PCSK5: variants seen among roughly 807,000 people sequenced by gnomAD.
PCSK5 encodes proprotein convertase subtilisin/kexin type 5, also known as prohormone convertase 5.
In PCSK5, 129 loss-of-function variants were observed where a neutral mutation model predicts 233.2. That is an observed-to-expected ratio of 0.55 (90% CI 0.48 to 0.64). The LOEUF is 0.64. Among genes scored for constraint, PCSK5 ranks in the 30% least tolerant of loss-of-function variants. PCSK5 has a pLI of 0.00. For synonymous variants in PCSK5, 825 were observed against 879.2 expected (o/e 0.94, Z 1.09); for missense variants, 2,076 against 2,430.1 (o/e 0.85, Z 3.06).
chr9:76,185,925 A>C lies in PCSK5; in HGVS notation c.2282+1168A>C, dbSNP rs146537778. ...CTACCATCTGGCACATACTTGGTTC[A>C]TGAGAAATAAAAGATGATTTAAATT... is the stretch of plus-strand genomic sequence containing the variant. On this transcript the variant is annotated intron_variant, in intron 17 of 37. Transcript: ENST00000674117. 9.5e-3 allele frequency among the ~76,000 whole-genome samples: 1,452 copies of C among 152,340 alleles called. 11 individuals carry two copies. The highest frequency in any genetic ancestry group is 0.029 in the South Asian group (142 of 4,832).
At chr9:76,138,626 A>C (rs937225816) in intron 10 of PCSK5, among the ~76,000 whole-genome samples, 5 of 151,996 alleles carry the variant, frequency 3.3e-5, no homozygotes, top group African/African-American at 1.2e-4. Flanking sequence ...TTTGGGTGTG[A>C]AGTTATAATT....
chr9:76,248,894 G>A (rs2131341734), intron 24 of PCSK5, among the ~76,000 whole-genome samples: 1 of 152,266 alleles, frequency 6.6e-6, no homozygotes, highest in Non-Finnish European at 1.5e-5. Context: ...AGACTCCCAA[G>A]TTCCTGGGAC....
intron 1 of PCSK5, among the ~76,000 whole-genome samples, chr9:75,922,013 G>A (rs1823279664): frequency 6.6e-6 from 1 of 152,166 alleles, no homozygotes; most frequent in South Asian, 2.1e-4. Flanking sequence ...GGGGTTGGCA[G>A]AATCAAGTCA....
chr9:76,255,874 G>GA (rs1005923174), intron 24 of PCSK5, among the ~76,000 whole-genome samples: 7 of 152,092 alleles, frequency 4.6e-5, no homozygotes, highest in Non-Finnish European at 1.0e-4. Context: ...TTTTATAGAT[G>GA]AAAAAACCAA....
intron 2 of PCSK5, among the ~76,000 whole-genome samples, chr9:75,935,352 C>T (rs1824005243): frequency 6.6e-6 from 1 of 152,218 alleles, no homozygotes. Flanking sequence ...CAGGCGTGAG[C>T]CACTGAGCCC....
chr9:76,267,959 A>T (rs999023958), intron 24 of PCSK5, among the ~76,000 whole-genome samples: 1 of 82,348 alleles, frequency 1.2e-5, no homozygotes, highest in South Asian at 4.9e-4. Context: ...ATACACACAC[A>T]CACACACACA....
At chr9:76,224,192 C>G (rs913008417) in intron 20 of PCSK5, among the ~76,000 whole-genome samples, 2 of 152,072 alleles carry the variant, frequency 1.3e-5, no homozygotes, top group Non-Finnish European at 2.9e-5. Context: ...AGGGAAAGGG[C>G]TTGGGAAGGT....
intron 24 of PCSK5, among the ~76,000 whole-genome samples, chr9:76,243,993 G>A (rs1387082923): frequency 1.3e-5 from 2 of 152,224 alleles, no homozygotes; most frequent in African/African-American, 4.8e-5. Context: ...AAAGGCCAAG[G>A]TGGGCAGATC....
intron 9 of PCSK5, among the ~76,000 whole-genome samples, chr9:76,113,124 G>C (rs572778835): frequency 1.3e-5 from 2 of 152,110 alleles, no homozygotes; most frequent in East Asian, 1.9e-4. Flanking sequence ...GCCTCAACTC[G>C]TCTCTCATCC....
chr9:76,272,247 C>T (rs1188169725), intron 24 of PCSK5, among the ~76,000 whole-genome samples: 2 of 152,132 alleles, frequency 1.3e-5, no homozygotes, highest in African/African-American at 4.8e-5. Flanking sequence ...AAATATTTTT[C>T]GCTCTGTCTA....
chr9:76,280,286 TC>T (rs950609347), intron 24 of PCSK5, among the ~76,000 whole-genome samples: 6 of 152,108 alleles, frequency 3.9e-5, no homozygotes, highest in Non-Finnish European at 7.4e-5. Context: ...CTATATCTCT[TC>T]CTCTCATCAG....
At chr9:76,081,228 C>T (rs1490318913) in intron 7 of PCSK5, among the ~76,000 whole-genome samples, 1 of 151,982 alleles carries the variant, frequency 6.6e-6, no homozygotes, top group African/African-American at 2.4e-5. Flanking sequence ...CTGAGGTGGG[C>T]AAATCACCTG....
chr9:76,260,442 T>C (rs115306375), intron 24 of PCSK5, among the ~76,000 whole-genome samples: 3,141 of 152,312 alleles, frequency 0.021, 46 homozygotes, highest in Middle Eastern at 0.044. Context: ...GTGGAGAACC[T>C]TTCCAGCTGC....
At chr9:76,269,681 C>G (rs1587821517) in intron 24 of PCSK5, among the ~76,000 whole-genome samples, 1 of 152,110 alleles carries the variant, frequency 6.6e-6, no homozygotes, top group African/African-American at 2.4e-5. Context: ...GAGAAGTAAC[C>G]AAAACATACC....
chr9:76,322,440 T>G (rs914541204), intron 31 of PCSK5, among the ~76,000 whole-genome samples: 4 of 152,218 alleles, frequency 2.6e-5, no homozygotes, highest in African/African-American at 9.6e-5. Flanking sequence ...CCCAAAAAGC[T>G]GTTCAATTTT....
chr9:76,301,991 C>A, intron 27 of PCSK5, 146 bp from the exon 28 acceptor site: 1 of 365,782 alleles, frequency 2.7e-6, no homozygotes, highest in South Asian at 2.2e-5. Context: ...TAATTATACT[C>A]ACACACTCAA....
intron 3 of PCSK5, among the ~76,000 whole-genome samples, chr9:76,000,542 C>G (rs1046614896): frequency 6.6e-6 from 1 of 152,170 alleles, no homozygotes; most frequent in South Asian, 2.1e-4. Context: ...AGAGAAACTT[C>G]TCATCAATCA....
At chr9:76,141,255 A>C (rs1244310195) in intron 10 of PCSK5, among the ~76,000 whole-genome samples, 1 of 150,726 alleles carries the variant, frequency 6.6e-6, no homozygotes, top group Non-Finnish European at 1.5e-5. Flanking sequence ...TTAGCAAAGT[A>C]CACACACACA....
intron 20 of PCSK5, among the ~76,000 whole-genome samples, chr9:76,227,280 C>G (rs960249019): frequency 6.6e-6 from 1 of 152,172 alleles, no homozygotes; most frequent in Non-Finnish European, 1.5e-5. Flanking sequence ...GTCATTGCCT[C>G]ATAACTTTTT....
Sources: allele counts gnomAD v4.1 joint callset (sites outside exome capture counted in the v4.1 genomes callset), GRCh38; gene constraint gnomAD v4.1.1; transcripts MANE v1.5; gene names NCBI Gene and HGNC (gene_info 2026-07-23, HGNC 2026-07-21).